The following KCNAB2 variants were observed in gnomAD, a reference collection of about 807,000 sequenced individuals.
KCNAB2 encodes voltage-gated potassium channel subunit beta-2.
KCNAB2 carries 29 observed loss-of-function variants against 63.6 expected under a neutral mutation model. That is an observed-to-expected ratio of 0.46 (90% CI 0.34 to 0.62). KCNAB2 has a LOEUF of 0.62. Ranked by LOEUF, KCNAB2 falls within the 20% of genes least tolerant of loss-of-function variation. The pLI, the probability that KCNAB2 is intolerant of heterozygous loss-of-function variation, is 0.01. For missense variants in KCNAB2, 359 were observed against 563.9 expected (o/e 0.64, Z 3.68); for synonymous variants, 222 against 224.2 (o/e 0.99, Z 0.09).
At chr1:6,052,962 G>A (rs551041756) in intron 2 of KCNAB2, among the ~76,000 whole-genome samples, 2 of 152,244 alleles carry the variant, frequency 1.3e-5, no homozygotes, top group South Asian at 4.1e-4. Context: ...GGGATCATCT[G>A]CGTGCTCTGT....
At chr1:6,082,096 C>G in intron 4 of KCNAB2, 99 bp from the exon 5 acceptor site, 1 of 987,344 alleles carries the variant, frequency 1.0e-6, no homozygotes, top group South Asian at 1.3e-5. Context: ...GAGGGCAGGG[C>G]CTGGACACGG....
chr1:6,059,881 C>T (rs767113260), intron 2 of KCNAB2, among the ~76,000 whole-genome samples: 6 of 152,160 alleles, frequency 3.9e-5, no homozygotes, highest in Non-Finnish European at 7.4e-5. Flanking sequence ...CACACATGGC[C>T]TGCAGGAGGC....
chr1:5,993,722 A>C (rs976070901), intron 1 of KCNAB2, among the ~76,000 whole-genome samples: 1 of 151,476 alleles, frequency 6.6e-6, no homozygotes, highest in African/African-American at 2.4e-5. Flanking sequence ...GCCCCTTAGC[A>C]CCTTTCCTCC....
chr1:6,002,920 T>C (rs892826408), intron 1 of KCNAB2, among the ~76,000 whole-genome samples: 4 of 151,948 alleles, frequency 2.6e-5, no homozygotes. Context: ...TTGCTCTGGC[T>C]CTGGCCCCCT....
At chr1:6,011,465 G>A (rs998153904) in intron 1 of KCNAB2, among the ~76,000 whole-genome samples, 4 of 140,678 alleles carry the variant, frequency 2.8e-5, no homozygotes, top group Non-Finnish European at 4.7e-5. Flanking sequence ...AGGCAGGCAC[G>A]TGTGCCCAGG....
At chr1:6,070,778 A>G (rs1663121893) in intron 2 of KCNAB2, among the ~76,000 whole-genome samples, 1 of 151,680 alleles carries the variant, frequency 6.6e-6, no homozygotes, top group South Asian at 2.1e-4. Context: ...GCATCGGGCC[A>G]CTCCATAAAA....
Position 6,024,851 on chromosome 1 carries a change from C to T in KCNAB2, c.-52-15666C>T, listed in dbSNP as rs1659043999. On this transcript the variant is annotated intron_variant, in intron 1 of 16. Coordinates refer to the KCNAB2 transcript ENST00000341524. This position sits in a 1 kb window ranked among gnomAD's most constrained non-coding sequence, Gnocchi z 5.4. ...AACCCCAATTTCGAGCTGGACACAC[C>T]TAGGCTCTGGTTCCAGCTTTGCCAC... is the stretch of plus-strand genomic sequence containing the variant. 6.6e-6 allele frequency among the ~76,000 whole-genome samples: 1 copy of T among 152,160 alleles called. No homozygotes were observed. Among genetic ancestry groups the T allele is most frequent in the African/African-American group, 2.4e-5 (1 of 41,430 alleles).
chr1:6,056,170 G>A (rs1049400587), intron 2 of KCNAB2, among the ~76,000 whole-genome samples: 1 of 151,980 alleles, frequency 6.6e-6, no homozygotes, highest in Non-Finnish European at 1.5e-5. Context: ...TCAGCCTCCC[G>A]AGTAGCTGGG....
upstream of KCNAB2, among the ~76,000 whole-genome samples, chr1:6,043,553 T>A (rs1660677336): frequency 6.6e-6 from 1 of 152,162 alleles, no homozygotes; most frequent in Non-Finnish European, 1.5e-5. Context: ...ACCCGTTGGA[T>A]CTCCAGGGGG....
chr1:6,001,001 G>A (rs898644048), intron 1 of KCNAB2, among the ~76,000 whole-genome samples: 1 of 152,234 alleles, frequency 6.6e-6, no homozygotes, highest in East Asian at 1.9e-4. Flanking sequence ...AAAGGGGGAA[G>A]CACTGGATGG....
chr1:6,048,908 G>A (rs1376569983), intron 1 of KCNAB2, among the ~76,000 whole-genome samples: 1 of 152,234 alleles, frequency 6.6e-6, no homozygotes, highest in African/African-American at 2.4e-5. Flanking sequence ...GGTGCCAAGG[G>A]CCTCATTTCC....
In KCNAB2 at chr1:6,069,774, G is replaced by A. The variant is rs1352015411; in HGVS notation, c.219-2981G>A. On this transcript the variant is annotated intron_variant, in intron 2 of 15. Transcript: ENST00000378083. The surrounding 1 kb of genome is among the most constrained non-coding windows in gnomAD (Gnocchi z 5.4). The stretch of plus-strand genomic sequence containing the variant: ...GCATCCCTTCTCCCGAGGCCTGGCA[G>A]CGGATGGCAGAACCAATACCATCAT... 6.6e-6 allele frequency among the ~76,000 whole-genome samples: 1 copy of A among 152,224 alleles called. No individual in the cohort carries two copies. Among genetic ancestry groups the A allele is most frequent in the East Asian group, 1.9e-4 (1 of 5,200 alleles).
Position 6,086,616 on chromosome 1 carries a change from G to A in KCNAB2, c.426-851G>A, listed in dbSNP as rs1664720301. 6.6e-6 allele frequency among the ~76,000 whole-genome samples: 1 copy of A among 152,144 alleles called. No individual in the cohort carries two copies. Among genetic ancestry groups the A allele is most frequent in the African/African-American group, 2.4e-5 (1 of 41,442 alleles). On this transcript the variant is annotated intron_variant, in intron 6 of 15. Coordinates refer to ENST00000378083, the MANE Select transcript of KCNAB2 (RefSeq NM_001199862.2). The surrounding 1 kb of genome is among the most constrained non-coding windows in gnomAD (Gnocchi z 4.2). ...TGGGAAGTACTCCCTCCTCTGGGAG[G>A]GGTCAAGGTCAAACGTGGCTGGGAG...
intron 2 of KCNAB2, among the ~76,000 whole-genome samples, chr1:6,065,201 G>A (rs1662641556): frequency 6.6e-6 from 1 of 152,236 alleles, no homozygotes; most frequent in African/African-American, 2.4e-5. Context: ...GGAGCTGGCT[G>A]CCTACAAGCT....
In KCNAB2 at chr1:6,098,598, A is replaced by G; in HGVS notation, c.*24A>G. ...AAGCCGCCCCCGCCCGCCTGCTCGG[A>G]CAGTTTCCGTTCCCTCCTAGTCTCT... On this transcript the variant is annotated 3_prime_UTR_variant, in exon 16 of 16. Coordinates refer to ENST00000378083, the MANE Select transcript of KCNAB2 (RefSeq NM_001199862.2). 1 of 1,611,002 alleles carries G rather than the reference A, an allele frequency of 6.2e-7. No individual in the cohort carries two copies. The highest frequency in any genetic ancestry group is 8.5e-7 in the Non-Finnish European group (1 of 1,178,388).
Position 6,086,497 on chromosome 1 carries a change from C to T in KCNAB2, c.426-970C>T, listed in dbSNP as rs988276344. 1 of 584,654 alleles carries T rather than the reference C, an allele frequency of 1.7e-6. No individual in the cohort carries two copies. Among genetic ancestry groups the T allele is most frequent in the South Asian group, 7.5e-5 (1 of 13,366 alleles). The allele number at this position is 584,654 out of a possible 1,614,324, so 36.2% of individuals were successfully genotyped here. On this transcript the variant is annotated intron_variant, in intron 6 of 15. Coordinates refer to ENST00000378083, the MANE Select transcript of KCNAB2 (RefSeq NM_001199862.2). The surrounding 1 kb of genome is among the most constrained non-coding windows in gnomAD (Gnocchi z 4.2). ...TTCGGGGCAGAGGAGGCCTCCTACT[C>T]CAGCCTCGTGAGCTGCTTCCCTGAG...
At chr1:6,050,822 G>A (rs1358722726) in intron 1 of KCNAB2, among the ~76,000 whole-genome samples, 4 of 152,238 alleles carry the variant, frequency 2.6e-5, no homozygotes, top group Non-Finnish European at 5.9e-5. Context: ...CTGCTTAAAT[G>A]CATTCTGCTC....
At chr1:6,085,791 A>C (rs1422565608) in intron 6 of KCNAB2, 19 of 967,364 alleles carry the variant, frequency 2.0e-5, no homozygotes, top group Non-Finnish European at 2.2e-5. Flanking sequence ...CATCTGTAAG[A>C]GGGTGTGTGT....
At chr1:6,030,102 T>C (rs1474949378), upstream of KCNAB2, among the ~76,000 whole-genome samples, 20 of 152,222 alleles carry the variant, frequency 1.3e-4, no homozygotes, top group Admixed American at 1.3e-3. Flanking sequence ...TGTTTATAAG[T>C]ATGACCCTGG....
Sources: gnomAD v4.1 joint callset for allele counts (sites outside exome capture counted in the v4.1 genomes callset) on GRCh38, gnomAD v4.1.1 for gene constraint, Gnocchi (gnomAD v3.1) non-coding constraint, MANE v1.5 for transcripts, NCBI Gene and HGNC (gene_info 2026-07-23, HGNC 2026-07-21) for gene names.